Variants in TMEM250 observed in about 807,000 individuals in gnomAD.
The protein encoded by TMEM250 is transmembrane protein 250, also known as herpes virus UL25-binding protein.
In TMEM250, 7 loss-of-function variants were observed where a neutral mutation model predicts 7.0. That is an observed-to-expected ratio of 1.00 (90% confidence interval 0.57 to 1.87). The LOEUF (loss-of-function observed/expected upper bound fraction) is 1.87. Among genes scored for constraint, TMEM250 ranks in the 40% most tolerant of loss-of-function variants. The probability of loss-of-function intolerance (pLI) is 0.00; values close to 1 mark genes in which losing one functional copy is unlikely to be tolerated. For missense variants in TMEM250, 196 were observed against 202.5 expected (o/e 0.97, Z 0.19); for synonymous variants, 135 against 96.7 (o/e 1.40, Z -2.32).
At chr9:136,118,288 C>T (rs1830754804) in intron 1 of TMEM250, 197 bp downstream of exon 1, 1 of 152,320 alleles carries the variant, frequency 6.6e-6, no homozygotes, top group South Asian at 2.1e-4. Flanking sequence ...CGGCCCGGCC[C>T]ATGGACCCAG....
At chr9:136,118,099 C>G (rs1830749391) in intron 1 of TMEM250, 1 of 152,276 alleles carries the variant, frequency 6.6e-6, no homozygotes, top group Non-Finnish European at 1.5e-5. Context: ...CCCGGCTCCT[C>G]CACGGGGTGC....
At position 136,116,068 on chromosome 9, in the gene TMEM250, G is replaced by A. The variant is rs2131214601; in HGVS notation, c.*413C>T. The A allele has an allele frequency of 4.8e-6, 2 of 418,578 alleles. No homozygotes were observed. Among genetic ancestry groups the A allele is most frequent in the Non-Finnish European group, 8.4e-6 (2 of 238,206 alleles). 25.9% of individuals were successfully genotyped at this position (418,578 alleles called of 1,614,324 possible). On this transcript the variant is annotated 3_prime_UTR_variant, in exon 2 of 2. Transcript: ENST00000418388. ...CAGGGCACGCAGAAGGGGCTGTGCA[G>A]CCAGGAGGGCCCCCCTCCGGAATTG...
intron 1 of TMEM250, among the ~76,000 whole-genome samples, chr9:136,117,645 G>A (rs1027515807): frequency 4.8e-4 from 73 of 152,356 alleles, no homozygotes; most frequent in African/African-American, 1.4e-3. Context: ...TTCCCTAGCA[G>A]TGACTTTGGG....
At position 136,116,907 on chromosome 9, in the gene TMEM250, C is replaced by CCGG. The variant is rs750154236; in HGVS notation, c.-10_-8dup. ...GAATGGGCATGACCGGCATTGGGCC[C>CCGG]CGGCGGCGGCGGCGCTAGGTCGCAG... On this transcript the variant is annotated 5_prime_UTR_variant, in exon 2 of 2. Coordinates refer to ENST00000418388, the MANE Select transcript of TMEM250 (RefSeq NM_152833.3). 61 of 1,498,122 alleles carry CCGG rather than the reference C, an allele frequency of 4.1e-5. No individual in the cohort carries two copies. Among genetic ancestry groups the CCGG allele is most frequent in the Middle Eastern group, 3.5e-4 (2 of 5,732 alleles). The allele number at this position is 1,498,122 out of a possible 1,614,324, so 92.8% of individuals were successfully genotyped here.
chr9:136,116,965 T>C lies in TMEM250; in HGVS notation c.-65A>G. The C allele has an allele frequency of 1.4e-6, 2 of 1,395,638 alleles. No homozygotes were observed. The highest frequency in any genetic ancestry group is 1.8e-6 in the Non-Finnish European group (2 of 1,082,750). The allele number at this position is 1,395,638 out of a possible 1,614,324, so 86.5% of individuals were successfully genotyped here. A position where few individuals can be genotyped will look rare whatever the true frequency, so the allele number is the denominator to read the frequency against. On this transcript the variant is annotated 5_prime_UTR_variant, in exon 2 of 2. Coordinates refer to ENST00000418388, the MANE Select transcript of TMEM250 (RefSeq NM_152833.3). ...GGCGGTGTCCAGGCGGCTGTTGGCGTAGGGGTCATGGGCGCCTAGGCCTGG... is the reference window on the plus strand; with the variant it reads ...GGCGGTGTCCAGGCGGCTGTTGGCGCAGGGGTCATGGGCGCCTAGGCCTGG...
Position 136,117,150 on chromosome 9 carries a change from C to T in TMEM250, c.-124-126G>A, listed in dbSNP as rs78672817. 6.5e-3 allele frequency: 3,462 copies of T among 536,148 alleles called. 110 individuals are homozygous for T. The African/African-American group carries it at 0.066, about 10-fold the overall frequency. The allele number at this position is 536,148 out of a possible 1,614,324, so 33.2% of individuals were successfully genotyped here. A position where few individuals can be genotyped will look rare whatever the true frequency, so the allele number is the denominator to read the frequency against. On this transcript the variant is annotated intron_variant, in intron 1 of 1. Coordinates refer to ENST00000418388, the MANE Select transcript of TMEM250 (RefSeq NM_152833.3). ...GACTACGGGAAAATGGAGTCCAGGGCGGGATCTGCAGGCACTCCTGGGCTC... is the reference window on the plus strand; with the variant it reads ...GACTACGGGAAAATGGAGTCCAGGGTGGGATCTGCAGGCACTCCTGGGCTC...
Position 136,116,147 on chromosome 9 carries a change from G to C in TMEM250, c.*334C>G. 2.1e-6 allele frequency: 1 copy of C among 471,186 alleles called. No individual in the cohort carries two copies. The highest frequency in any genetic ancestry group is 3.3e-5 in the East Asian group (1 of 30,674). The allele number at this position is 471,186 out of a possible 1,614,324, so 29.2% of individuals were successfully genotyped here. ...GGGGCCTCCCAGGGTGATGTCTAAA[G>C]TCCCTGGCAGCTGTGGTCCTGGAGA... On this transcript the variant is annotated 3_prime_UTR_variant, in exon 2 of 2. Transcript: ENST00000418388.
Position 136,116,607 on chromosome 9 carries a change from C to G in TMEM250, c.294G>C (p.Leu98=). ...CCACGCGCCGGCGGCCCAGCAGCAGCAGCAGCACCGACAGCTTGCGCTGGA... is the reference window on the plus strand; with the variant it reads ...CCACGCGCCGGCGGCCCAGCAGCAGGAGCAGCACCGACAGCTTGCGCTGGA... ...LRFQRKLSVL[L]LLLGRRRVDF... Residue 98 remains leucine (L), a synonymous_variant, in exon 2 of 2, where the codon CTG becomes CTC. Coordinates refer to ENST00000418388, the MANE Select transcript of TMEM250 (RefSeq NM_152833.3). The G allele has an allele frequency of 1.2e-6, 2 of 1,606,534 alleles. No individual in the cohort carries two copies. Among genetic ancestry groups the G allele is most frequent in the Non-Finnish European group, 1.7e-6 (2 of 1,179,638 alleles).
Position 136,116,063 on chromosome 9 carries a change from G to A in TMEM250, c.*418C>T. ...GGGGCCAGGGCACGCAGAAGGGGCT[G>A]TGCAGCCAGGAGGGCCCCCCTCCGG... On this transcript the variant is annotated 3_prime_UTR_variant, in exon 2 of 2. Transcript: ENST00000418388. 4.8e-6 allele frequency: 2 copies of A among 418,380 alleles called. No individual in the cohort carries two copies. The highest frequency in any genetic ancestry group is 8.4e-6 in the Non-Finnish European group (2 of 238,122). 25.9% of individuals were successfully genotyped at this position (418,380 alleles called of 1,614,324 possible).
chr9:136,116,938 G>A lies in TMEM250; in HGVS notation c.-38C>T. Reference sequence around the variant, plus strand: ...GCGGCGGCGCTAGGTCGCAGTGGCGGCGGCGGTGTCCAGGCGGCTGTTGGC... The same window carrying A: ...GCGGCGGCGCTAGGTCGCAGTGGCGACGGCGGTGTCCAGGCGGCTGTTGGC... On this transcript the variant is annotated 5_prime_UTR_variant, in exon 2 of 2. Transcript: ENST00000418388. 7.0e-7 allele frequency: 1 copy of A among 1,421,752 alleles called. No homozygotes were observed. Among genetic ancestry groups the A allele is most frequent in the Non-Finnish European group, 9.1e-7 (1 of 1,096,426 alleles). 88.1% of individuals were successfully genotyped at this position (1,421,752 alleles called of 1,614,324 possible). A position where few individuals can be genotyped will look rare whatever the true frequency, so the allele number is the denominator to read the frequency against.
At position 136,116,616 on chromosome 9, in the gene TMEM250, C is replaced by T. The variant is rs749858588; in HGVS notation, c.285G>A (p.Ser95=). The part of the protein sequence containing the change: ...RVLLRFQRKL[S]VLLLLLGRRR... ...GGCGGCCCAGCAGCAGCAGCAGCAC[C>T]GACAGCTTGCGCTGGAAGCGCAGCA... Residue 95 remains serine, a synonymous_variant, in exon 2 of 2, where the codon TCG becomes TCA. Transcript: ENST00000418388. 11 of 1,607,752 alleles carry T rather than the reference C, an allele frequency of 6.8e-6. No homozygotes were observed. Among genetic ancestry groups the T allele is most frequent in the South Asian group, 4.4e-5 (4 of 91,064 alleles).
Position 136,116,730 on chromosome 9 carries a change from T to C in TMEM250, c.171A>G (p.Leu57=), listed in dbSNP as rs200364361. Residue 57 remains leucine (L), a synonymous_variant, in exon 2 of 2, where the codon CTA becomes CTG. Coordinates refer to ENST00000418388, the MANE Select transcript of TMEM250 (RefSeq NM_152833.3). ...TRWLYGFIRF[L]LYFSCSLFTA... ...TGAACAGGCTGCAGCTAAAGTAGAG[T>C]AGGAAGCGGATGAAGCCGTACAGCC... 257 of 1,612,178 alleles carry C rather than the reference T, an allele frequency of 1.6e-4. No homozygotes were observed. The African/African-American group carries it at 3.2e-3, about 20-fold the overall frequency.
In TMEM250 at chr9:136,116,374, C is replaced by T. The variant is rs981266717; in HGVS notation, c.*107G>A. The T allele has an allele frequency of 9.8e-6, 14 of 1,429,004 alleles. No individual in the cohort carries two copies. In the African/African-American group the frequency reaches 1.9e-4, roughly 19 times the overall value. The allele number at this position is 1,429,004 out of a possible 1,614,324, so 88.5% of individuals were successfully genotyped here. On this transcript the variant is annotated 3_prime_UTR_variant, in exon 2 of 2. Transcript: ENST00000418388. ...TTTTCTCTCCGTGGGCGCCGGGCAGCAGCGACTGCCTGGGGGATGGGCGAA... is the reference window on the plus strand; with the variant it reads ...TTTTCTCTCCGTGGGCGCCGGGCAGTAGCGACTGCCTGGGGGATGGGCGAA...
Position 136,114,788 on chromosome 9 carries a change from T to A in TMEM250, c.*1693A>T, listed in dbSNP as rs927071899. The A allele has an allele frequency of 6.6e-6, 1 of 152,188 alleles. No homozygotes were observed. Among genetic ancestry groups the A allele is most frequent in the Non-Finnish European group, 1.5e-5 (1 of 68,022 alleles). 9.4% of individuals were successfully genotyped at this position (152,188 alleles called of 1,614,324 possible). Reference sequence around the variant, plus strand: ...CCCTCAGCCAAGAGGCTTGGGTGACTCTGAGTAATACGTTAACAAAAAACA... The same window carrying A: ...CCCTCAGCCAAGAGGCTTGGGTGACACTGAGTAATACGTTAACAAAAAACA... On this transcript the variant is annotated 3_prime_UTR_variant, in exon 2 of 2. Coordinates refer to ENST00000418388, the MANE Select transcript of TMEM250 (RefSeq NM_152833.3).
chr9:136,115,840 C>G lies in TMEM250; in HGVS notation c.*641G>C, dbSNP rs1830690450. On this transcript the variant is annotated 3_prime_UTR_variant, in exon 2 of 2. Coordinates refer to ENST00000418388, the MANE Select transcript of TMEM250 (RefSeq NM_152833.3). Reference sequence around the variant, plus strand: ...ACCTGAGCCCTTCTCCGGCCCCCCGCTAGACTGCATCTACACAATCCAAGG... The same window carrying G: ...ACCTGAGCCCTTCTCCGGCCCCCCGGTAGACTGCATCTACACAATCCAAGG... 9.6e-6 allele frequency: 3 copies of G among 312,148 alleles called. No homozygotes were observed. In the East Asian group the frequency reaches 1.5e-4, roughly 16 times the overall value. 19.3% of individuals were successfully genotyped at this position (312,148 alleles called of 1,614,324 possible).
chr9:136,116,894 C>G lies in TMEM250; in HGVS notation c.7G>C (p.Val3Leu), dbSNP rs753971897. ...CGCACCCGCCGCGGAATGGGCATGA[C>G]CGGCATTGGGCCCCGGCGGCGGCGG... is the stretch of plus-strand genomic sequence containing the variant. MP[V>L]MPIPRRVRSF... Residue 3 changes from valine to leucine, a missense_variant, in exon 2 of 2, where the codon GTC becomes CTC. By Grantham distance (32) the Val-to-Leu change is conservative. Transcript: ENST00000418388. 27 of 1,557,612 alleles carry G rather than the reference C, an allele frequency of 1.7e-5. No individual in the cohort carries two copies. Among genetic ancestry groups the G allele is most frequent in the African/African-American group, 2.7e-5 (2 of 73,452 alleles).
rs1322305288 is a variant in TMEM250 at position 136,114,689 on chromosome 9, G to C, written c.*1792C>G. On this transcript the variant is annotated 3_prime_UTR_variant, in exon 2 of 2. Transcript: ENST00000418388. ...CCAGGTGCTCAGAGGGCACCAAGGTGCCACAACTCCCTGCAGCGTTGACAC... is the reference window on the plus strand; with the variant it reads ...CCAGGTGCTCAGAGGGCACCAAGGTCCCACAACTCCCTGCAGCGTTGACAC... 1 of 152,276 alleles carries C rather than the reference G, an allele frequency of 6.6e-6. No homozygotes were observed. Among genetic ancestry groups the C allele is most frequent in the Non-Finnish European group, 1.5e-5 (1 of 68,054 alleles). 9.4% of individuals were successfully genotyped at this position (152,276 alleles called of 1,614,324 possible).
Position 136,116,785 on chromosome 9 carries a change from T to C in TMEM250, c.116A>G (p.Asn39Ser), listed in dbSNP as rs773012855. 7.4e-6 allele frequency: 12 copies of C among 1,612,292 alleles called. No homozygotes were observed. The highest frequency in any genetic ancestry group is 3.3e-4 in the Middle Eastern group (2 of 6,054). The change falls in exon 2 of 2, where the codon AAC becomes AGC. Residue 39 changes from asparagine to serine, a missense_variant. Transcript: ENST00000418388. ...RASHLARTKY[N>S]NFDVYIKTRW... Reference sequence around the variant, plus strand: ...CGTCTTGATGTACACGTCGAAGTTGTTGTACTTGGTGCGGGCCAGGTGGGA... The same window carrying C: ...CGTCTTGATGTACACGTCGAAGTTGCTGTACTTGGTGCGGGCCAGGTGGGA...
At position 136,115,951 on chromosome 9, in the gene TMEM250, C is replaced by A; in HGVS notation, c.*530G>T. The A allele has an allele frequency of 2.5e-6, 1 of 403,150 alleles. No homozygotes were observed. Among genetic ancestry groups the A allele is most frequent in the Non-Finnish European group, 4.4e-6 (1 of 229,422 alleles). The allele number at this position is 403,150 out of a possible 1,614,324, so 25.0% of individuals were successfully genotyped here. A position where few individuals can be genotyped will look rare whatever the true frequency, so the allele number is the denominator to read the frequency against. On this transcript the variant is annotated 3_prime_UTR_variant, in exon 2 of 2. Transcript: ENST00000418388. ...GGGTGGTCCGCGGGCAGTGCCAGGC[C>A]TCAGGCGGCCCAGGGCAGAGTAAGC...
Sources: allele counts gnomAD v4.1 joint callset (sites outside exome capture counted in the v4.1 genomes callset), GRCh38; gene constraint gnomAD v4.1.1; transcripts MANE v1.5; gene names NCBI Gene and HGNC (gene_info 2026-07-23, HGNC 2026-07-21).